The following SOCS4 variants were observed in gnomAD, a reference collection of about 807,000 sequenced individuals.
SOCS4 encodes SH2 domain containing SOCS box protein.
Under a neutral mutation model 34.1 loss-of-function variants are expected in SOCS4, and 20 were observed. The ratio of observed to expected loss-of-function variants is 0.59; its 90% CI spans 0.41 to 0.85. The LOEUF (loss-of-function observed/expected upper bound fraction) is 0.85, where lower values mean the gene tolerates loss of function less well. Among genes scored for constraint, SOCS4 ranks in the 40% least tolerant of loss-of-function variants. The pLI is 0.00. For synonymous variants in SOCS4, 180 were observed against 186.4 expected, an observed-to-expected ratio of 0.97 and a Z score of 0.28; for missense variants, 479 against 532.4, an observed-to-expected ratio of 0.90 and a Z score of 0.99.
chr14:55,038,507 T>C (rs2042592157), intron 2 of SOCS4, among the ~76,000 whole-genome samples: 1 of 152,226 alleles, frequency 6.6e-6, no homozygotes, highest in Non-Finnish European at 1.5e-5. Context: ...CAGGAAAGTA[T>C]CTGCCACTCT....
rs2042702339 is a variant in SOCS4 at position 55,049,001 on chromosome 14, G to A, written c.*4637G>A. ...TTGACTTGTTTTAACAGTAGAGATA[G>A]CAGTACAATTTGAATTTATGGTTTA... On this transcript the variant is annotated 3_prime_UTR_variant, in exon 3 of 3. Coordinates refer to ENST00000555846, the MANE Select transcript of SOCS4 (RefSeq NM_199421.2). 1.8e-5 allele frequency: 3 copies of A among 166,884 alleles called. No individual in the cohort carries two copies. 10.3% of individuals were successfully genotyped at this position (166,884 alleles called of 1,614,324 possible).
At chr14:55,037,639 G>A (rs1017559964) in intron 2 of SOCS4, among the ~76,000 whole-genome samples, 22 of 151,612 alleles carry the variant, frequency 1.5e-4, no homozygotes, top group Non-Finnish European at 2.6e-4. Flanking sequence ...GATTACAGGC[G>A]CCTGCCACCA....
At chr14:55,034,341 A>G (rs1371273070) in intron 2 of SOCS4, among the ~76,000 whole-genome samples, 2 of 152,184 alleles carry the variant, frequency 1.3e-5, no homozygotes, top group Non-Finnish European at 2.9e-5. Context: ...GACAAATATA[A>G]ATAGAAAAAT....
chr14:55,036,016 T>C (rs953613525), intron 2 of SOCS4, among the ~76,000 whole-genome samples: 3 of 152,136 alleles, frequency 2.0e-5, no homozygotes, highest in Non-Finnish European at 2.9e-5. Context: ...TAAAGTCACA[T>C]GTCTTCTTAT....
At chr14:55,038,394 A>G (rs76726090) in intron 2 of SOCS4, among the ~76,000 whole-genome samples, 5,216 of 152,248 alleles carry the variant, frequency 0.034, 264 homozygotes, top group African/African-American at 0.11. Context: ...GCCTGTGGAT[A>G]TGTGTGCTTC....
chr14:55,044,396 A>G lies in SOCS4; in HGVS notation c.*32A>G, dbSNP rs748643137. The G allele has an allele frequency of 4.2e-5, 56 of 1,341,318 alleles. No homozygotes were observed. Among genetic ancestry groups the G allele is most frequent in the Non-Finnish European group, 4.9e-5 (51 of 1,036,928 alleles). The allele number at this position is 1,341,318 out of a possible 1,614,324, so 83.1% of individuals were successfully genotyped here. A position where few individuals can be genotyped will look rare whatever the true frequency, so the allele number is the denominator to read the frequency against. On this transcript the variant is annotated 3_prime_UTR_variant, in exon 3 of 3. Coordinates refer to ENST00000555846, the MANE Select transcript of SOCS4 (RefSeq NM_199421.2). ...GATGGGAACATGGGAATGATAATAT[A>G]TATTTTTTCTTTTAATATTTTATTT...
Position 55,027,324 on chromosome 14 carries a change from G to T in SOCS4, c.-367G>T. 5 of 180,138 alleles carry T rather than the reference G, an allele frequency of 2.8e-5. No homozygotes were observed. Among genetic ancestry groups the T allele is most frequent in the East Asian group, 1.3e-4 (1 of 7,420 alleles). 11.2% of individuals were successfully genotyped at this position (180,138 alleles called of 1,614,324 possible). A position where few individuals can be genotyped will look rare whatever the true frequency, so the allele number is the denominator to read the frequency against. ...CCGGAACGCCGAAGCGGGGTTGGGG[G>T]TGGCAGAAAAGCATCTGCTTTGTAA... On this transcript the variant is annotated 5_prime_UTR_variant, in exon 1 of 3. Coordinates refer to ENST00000555846, the MANE Select transcript of SOCS4 (RefSeq NM_199421.2).
chr14:55,043,218 A>T lies in SOCS4; in HGVS notation c.177A>T (p.Glu59Asp). 1 of 1,614,242 alleles carries T rather than the reference A, an allele frequency of 6.2e-7. No homozygotes were observed. Among genetic ancestry groups the T allele is most frequent in the Admixed American group, 1.7e-5 (1 of 60,022 alleles). Reference protein sequence around the residue: ...AETVNGIEKTEVSLRNQERKH... With the variant: ...AETVNGIEKTDVSLRNQERKH... ...CAGTGAATGGTATAGAGAAAACCGA[A>T]GTGTCTTTAAGGAACCAAGAAAGGA... Residue 59 changes from glutamate (E) to aspartate (D), a missense_variant, in exon 3 of 3, where the codon GAA becomes GAT. Transcript: ENST00000555846.
chr14:55,048,900 T>C lies in SOCS4; in HGVS notation c.*4536T>C, dbSNP rs76129145. 622 of 167,162 alleles carry C rather than the reference T, an allele frequency of 3.7e-3. 1 individual carries two copies. Among genetic ancestry groups the C allele is most frequent in the Middle Eastern group, 0.01 (3 of 296 alleles). 10.4% of individuals were successfully genotyped at this position (167,162 alleles called of 1,614,324 possible). A position where few individuals can be genotyped will look rare whatever the true frequency, so the allele number is the denominator to read the frequency against. On this transcript the variant is annotated 3_prime_UTR_variant, in exon 3 of 3. Transcript: ENST00000555846. ...GTACAGCCATTGAGTACTAACATGA[T>C]GATAGGTTTTCAAAATATCTTTGTA... is the stretch of plus-strand genomic sequence containing the variant.
At chr14:55,031,545 A>G (rs756702695) in intron 1 of SOCS4, among the ~76,000 whole-genome samples, 4 of 152,220 alleles carry the variant, frequency 2.6e-5, no homozygotes, top group Non-Finnish European at 4.4e-5. Flanking sequence ...ATGTGTTAAC[A>G]TCTTTCAGAA....
At chr14:55,035,512 A>G (rs2042565091) in intron 2 of SOCS4, among the ~76,000 whole-genome samples, 1 of 152,226 alleles carries the variant, frequency 6.6e-6, no homozygotes, top group African/African-American at 2.4e-5. Flanking sequence ...TTTACCTTGT[A>G]GTAACACTGC....
At chr14:55,028,663 T>G (rs2042495462) in intron 1 of SOCS4, among the ~76,000 whole-genome samples, 1 of 152,198 alleles carries the variant, frequency 6.6e-6, no homozygotes, top group South Asian at 2.1e-4. Context: ...GTAATACCCA[T>G]GAGACTATGA....
chr14:55,035,538 A>G (rs1029476236), intron 2 of SOCS4, among the ~76,000 whole-genome samples: 1 of 152,208 alleles, frequency 6.6e-6, no homozygotes, highest in African/African-American at 2.4e-5. Flanking sequence ...AGACAGAGGT[A>G]TTCTGTGATT....
rs1365085583 is a variant in SOCS4, at chr14:55,044,611, T to TA, written c.*248dup. The TA allele has an allele frequency of 4.9e-6, 1 of 205,844 alleles. No individual in the cohort carries two copies. The highest frequency in any genetic ancestry group is 2.4e-5 in the African/African-American group (1 of 41,438). 12.8% of individuals were successfully genotyped at this position (205,844 alleles called of 1,614,324 possible). On this transcript the variant is annotated 3_prime_UTR_variant, in exon 3 of 3. Transcript: ENST00000555846. ...GTTTTTACCGTGTAGGTTGTATACT[T>TA]ACATTTTTTCTTTCCTTAATTTATA...
rs924970340 is a variant in SOCS4, at chr14:55,033,581, A to AAT, written c.-91+1595_-91+1596dup. Among the ~76,000 whole-genome samples, 8 of 152,356 alleles carry AAT rather than the reference A, an allele frequency of 5.3e-5. No homozygotes were observed. The East Asian group carries it at 1.3e-3, about 26-fold the overall frequency. On this transcript the variant is annotated intron_variant, in intron 2 of 2. Transcript: ENST00000555846. ...TGATTAAATGTATGTGTTTTTAAAA[A>AAT]ATATATCTATCTGCTAAGTAGCTTC... is the stretch of plus-strand genomic sequence containing the variant.
At chr14:55,042,216 A>G (rs2042626969) in intron 2 of SOCS4, among the ~76,000 whole-genome samples, 1 of 152,222 alleles carries the variant, frequency 6.6e-6, no homozygotes, top group African/African-American at 2.4e-5. Context: ...CTTCAGAGGA[A>G]AGGCAGTGCC....
rs1448379336 is a variant in SOCS4, at chr14:55,045,809, A to G, written c.*1445A>G. The G allele has an allele frequency of 2.4e-5, 4 of 166,926 alleles. No individual in the cohort carries two copies. Among genetic ancestry groups the G allele is most frequent in the Admixed American group, 6.5e-5 (1 of 15,278 alleles). 10.3% of individuals were successfully genotyped at this position (166,926 alleles called of 1,614,324 possible). ...GATTTCTTGATGCTAGTTTAGCTAT[A>G]TTAGGAAACTGCTTCTACCTAGATT... On this transcript the variant is annotated 3_prime_UTR_variant, in exon 3 of 3. Transcript: ENST00000555846.
In SOCS4 at chr14:55,043,655, G is replaced by A. The variant is rs1383109136; in HGVS notation, c.614G>A (p.Cys205Tyr). Residue 205 changes from cysteine to tyrosine, a missense_variant, in exon 3 of 3, where the codon TGT becomes TAT. Coordinates refer to ENST00000555846, the MANE Select transcript of SOCS4 (RefSeq NM_199421.2). Reference sequence around the variant, plus strand: ...GTCATAACCACCGACAATGCTTTGTGTAGAGAAGGTCCTATGACTGGCTCT... The same window carrying A: ...GTCATAACCACCGACAATGCTTTGTATAGAGAAGGTCCTATGACTGGCTCT... ...PCVITTDNALCREGPMTGSVM... is the reference protein window; with the variant it reads ...PCVITTDNALYREGPMTGSVM... 5 of 1,614,086 alleles carry A rather than the reference G, an allele frequency of 3.1e-6. No homozygotes were observed. Among genetic ancestry groups the A allele is most frequent in the Admixed American group, 1.7e-5 (1 of 60,010 alleles).
At position 55,047,518 on chromosome 14, in the gene SOCS4, G is replaced by A. The variant is rs2042687426; in HGVS notation, c.*3154G>A. On this transcript the variant is annotated 3_prime_UTR_variant, in exon 3 of 3. Transcript: ENST00000555846. Reference sequence around the variant, plus strand: ...AAGGGAATGGTTTAATTTAAAGGAAGACCTAATAGGAAGAAGATTAAAGGA... The same window carrying A: ...AAGGGAATGGTTTAATTTAAAGGAAAACCTAATAGGAAGAAGATTAAAGGA... 6.0e-6 allele frequency: 1 copy of A among 167,016 alleles called. No homozygotes were observed. Among genetic ancestry groups the A allele is most frequent in the Non-Finnish European group, 1.5e-5 (1 of 68,110 alleles). 10.3% of individuals were successfully genotyped at this position (167,016 alleles called of 1,614,324 possible). A position where few individuals can be genotyped will look rare whatever the true frequency, so the allele number is the denominator to read the frequency against.
Sources: gnomAD v4.1 joint callset for allele counts (sites outside exome capture counted in the v4.1 genomes callset) on GRCh38, gnomAD v4.1.1 for gene constraint, MANE v1.5 for transcripts, NCBI Gene and HGNC (gene_info 2026-07-23, HGNC 2026-07-21) for gene names.